LYPD5: variants seen among roughly 807,000 people sequenced by gnomAD.
The protein encoded by LYPD5 is LY6/PLAUR domain containing 5, also known as ly6/PLAUR domain-containing protein 5.
LYPD5 carries 21 observed loss-of-function variants against 19.1 expected under a neutral mutation model. The observed-to-expected ratio is 1.10, with a 90% CI of 0.78 to 1.58. The LOEUF (loss-of-function observed/expected upper bound fraction) is 1.58. Among genes scored for constraint, LYPD5 ranks in the 40% most tolerant of loss-of-function variants. The probability of loss-of-function intolerance (pLI) is 0.00; values close to 1 mark genes in which losing one functional copy is unlikely to be tolerated. For missense variants in LYPD5, 287 were observed against 329.8 expected, an observed-to-expected ratio of 0.87 and a Z score of 1.00; for synonymous variants, 128 against 142.7, an observed-to-expected ratio of 0.90 and a Z score of 0.74.
At position 43,798,549 on chromosome 19, in the gene LYPD5, G is replaced by C; in HGVS notation, c.423C>G (p.Val141=). Residue 141 remains valine, a synonymous_variant, in exon 4 of 5, where the codon GTC becomes GTG. Coordinates refer to ENST00000377950, the MANE Select transcript of LYPD5 (RefSeq NM_001031749.3). ...SGAECYACIG[V]HQDDCAIGRS... ...TGCCGATAGCGCAGTCATCCTGGTGGACCCCGATACAGGCGTAGCACTCGG... is the reference window on the plus strand; with the variant it reads ...TGCCGATAGCGCAGTCATCCTGGTGCACCCCGATACAGGCGTAGCACTCGG... 1 of 1,611,814 alleles carries C rather than the reference G, an allele frequency of 6.2e-7. No individual in the cohort carries two copies. The highest frequency in any genetic ancestry group is 8.5e-7 in the Non-Finnish European group (1 of 1,180,036).
rs1442463440 is a variant in LYPD5 at position 43,797,312 on chromosome 19, C to T, written c.*279G>A. On this transcript the variant is annotated 3_prime_UTR_variant, in exon 5 of 5. Transcript: ENST00000377950. ...AGCCGTGTTATGGGGTGCCTGGTGC[C>T]TGGCTGGTGCTCAGTGAGTAACAGC... is the stretch of plus-strand genomic sequence containing the variant. 2.4e-6 allele frequency: 1 copy of T among 413,214 alleles called. No individual in the cohort carries two copies. The highest frequency in any genetic ancestry group is 4.3e-6 in the Non-Finnish European group (1 of 230,178). 25.6% of individuals were successfully genotyped at this position (413,214 alleles called of 1,614,324 possible). A position where few individuals can be genotyped will look rare whatever the true frequency, so the allele number is the denominator to read the frequency against.
intron 1 of LYPD5, among the ~76,000 whole-genome samples, chr19:43,801,185 A>G (rs1970219542): frequency 6.6e-6 from 1 of 152,032 alleles, no homozygotes; most frequent in South Asian, 2.1e-4. Flanking sequence ...TTGTGCTACT[A>G]CACCTTAGTG....
rs780872948 is a variant in LYPD5 at position 43,798,921 on chromosome 19, T to A, written c.261A>T (p.Gln87His). 1.3e-6 allele frequency: 2 copies of A among 1,595,564 alleles called. No homozygotes were observed. Among genetic ancestry groups the A allele is most frequent in the Non-Finnish European group, 8.5e-7 (1 of 1,171,790 alleles). Residue 87 changes from glutamine to histidine, a missense_variant, in exon 3 of 5, where the codon CAA becomes CAT. Transcript: ENST00000377950. ...CWTGPPAGQTQSNADALPPDY... is the reference protein window; with the variant it reads ...CWTGPPAGQTHSNADALPPDY... The stretch of plus-strand genomic sequence containing the variant: ...CTGGCGGCAGCGCGTCCGCGTTCGA[T>A]TGCGTCTGGCCCGCAGGAGGCCCGG...
chr19:43,803,054 A>C (rs1329030839), upstream of LYPD5, among the ~76,000 whole-genome samples: 1 of 152,184 alleles, frequency 6.6e-6, no homozygotes, highest in East Asian at 1.9e-4. Context: ...AAAGAGAAAC[A>C]GAGAGAGAGG....
At chr19:43,806,956 G>C (rs1228916207), upstream of LYPD5, among the ~76,000 whole-genome samples, 2 of 152,112 alleles carry the variant, frequency 1.3e-5, no homozygotes, top group Non-Finnish European at 2.9e-5. Flanking sequence ...TTAGTGACTG[G>C]CTTATTTCAC....
chr19:43,810,720 T>C (rs961190926), intron 1 of LYPD5, among the ~76,000 whole-genome samples: 2 of 151,268 alleles, frequency 1.3e-5, no homozygotes, highest in Non-Finnish European at 2.9e-5. Context: ...CTCTGCCTCC[T>C]GGGTTCAAGT....
At chr19:43,812,230 A>G (rs190725381) in intron 1 of LYPD5, among the ~76,000 whole-genome samples, 427 of 152,314 alleles carry the variant, frequency 2.8e-3, no homozygotes, top group African/African-American at 9.9e-3. Flanking sequence ...CTAATGTCCC[A>G]TGTCCCATTG....
At chr19:43,815,730 TTTTTA>T (rs374130604) in intron 1 of LYPD5, 6,878 of 413,942 alleles carry the variant, frequency 0.017, 110 homozygotes, top group African/African-American at 0.037. Flanking sequence ...CCATCTATTA[TTTTTA>T]TTTTATTTTA....
intron 1 of LYPD5, among the ~76,000 whole-genome samples, chr19:43,812,530 C>CT (rs1970335341): frequency 6.6e-6 from 1 of 152,190 alleles, no homozygotes; most frequent in Non-Finnish European, 1.5e-5. Flanking sequence ...AGGCAAGGGT[C>CT]TTTCTCCAAT....
chr19:43,815,756 G>T, intron 1 of LYPD5: 1 of 414,676 alleles, frequency 2.4e-6, no homozygotes, highest in Non-Finnish European at 4.7e-6. Context: ...TTTTATTTTT[G>T]AGACGGAGTT....
At chr19:43,819,470 G>C (rs1032202139) in intron 1 of LYPD5, among the ~76,000 whole-genome samples, 16 of 151,906 alleles carry the variant, frequency 1.1e-4, no homozygotes, top group African/African-American at 3.9e-4. Context: ...GGTAGCACAG[G>C]AGGGATTGGC....
chr19:43,803,707 G>GT (rs56266021), upstream of LYPD5, among the ~76,000 whole-genome samples: 44,804 of 151,908 alleles, frequency 0.29, 7,177 homozygotes, highest in Non-Finnish European at 0.38. Flanking sequence ...TTTTTTTATT[G>GT]TTTTTTGGTT....
At chr19:43,805,801 C>T (rs1970266315), upstream of LYPD5, among the ~76,000 whole-genome samples, 1 of 152,226 alleles carries the variant, frequency 6.6e-6, no homozygotes. Context: ...AACCACCACA[C>T]CTGGCCTCTT....
At chr19:43,800,060 G>A (rs532401202) in intron 1 of LYPD5, 23 of 417,334 alleles carry the variant, frequency 5.5e-5, no homozygotes, top group African/African-American at 4.3e-4. Flanking sequence ...TTCCCTCCAG[G>A]ACACTCCAGG....
At chr19:43,804,645 C>T (rs1012299224), upstream of LYPD5, among the ~76,000 whole-genome samples, 2 of 152,192 alleles carry the variant, frequency 1.3e-5, no homozygotes, top group Non-Finnish European at 2.9e-5. Context: ...CTTGCCAAAT[C>T]CCTCCTCTTC....
At chr19:43,810,542 TCCCC>T (rs1568406200) in intron 1 of LYPD5, among the ~76,000 whole-genome samples, 56 of 45,584 alleles carry the variant, frequency 1.2e-3, no homozygotes, top group Non-Finnish European at 1.9e-3. Flanking sequence ...TTCCCTCCCC[TCCCC>T]TCCCCTCCCT....
In LYPD5 at chr19:43,797,290, C is replaced by T. The variant is rs1970144645; in HGVS notation, c.*301G>A. 1.6e-5 allele frequency: 6 copies of T among 364,742 alleles called. No individual in the cohort carries two copies. The highest frequency in any genetic ancestry group is 1.6e-4 in the South Asian group (3 of 19,012). 22.6% of individuals were successfully genotyped at this position (364,742 alleles called of 1,614,324 possible). On this transcript the variant is annotated 3_prime_UTR_variant, in exon 5 of 5. Coordinates refer to ENST00000377950, the MANE Select transcript of LYPD5 (RefSeq NM_001031749.3). ...GCTCTGGAGGGAGAGCACAGGAAGC[C>T]GTGTTATGGGGTGCCTGGTGCCTGG... is the stretch of plus-strand genomic sequence containing the variant.
Position 43,799,700 on chromosome 19 carries a change from C to T in LYPD5, c.193+6G>A. 1 of 1,612,776 alleles carries T rather than the reference C, an allele frequency of 6.2e-7. No individual in the cohort carries two copies. Among genetic ancestry groups the T allele is most frequent in the South Asian group, 1.1e-5 (1 of 90,620 alleles). ...TCATCCCTGTCCCCCGGCTCCCGCT[C>T]CTTACCGGTGTCCAGAGACAGGATA... is the stretch of plus-strand genomic sequence containing the variant. On this transcript the variant is annotated splice_donor_region_variant and intron_variant, in intron 2 of 4. Coordinates refer to ENST00000377950, the MANE Select transcript of LYPD5 (RefSeq NM_001031749.3).
intron 1 of LYPD5, among the ~76,000 whole-genome samples, chr19:43,816,057 T>C (rs1382009338): frequency 6.6e-6 from 1 of 151,944 alleles, no homozygotes; most frequent in Non-Finnish European, 1.5e-5. Context: ...TATCTATCTA[T>C]CTATCTATCT....
Sources: gnomAD v4.1 joint callset for allele counts (sites outside exome capture counted in the v4.1 genomes callset) on GRCh38, gnomAD v4.1.1 for gene constraint, MANE v1.5 for transcripts, NCBI Gene and HGNC (gene_info 2026-07-23, HGNC 2026-07-21) for gene names.